Variants in GRM8 observed in about 807,000 individuals in gnomAD.
GRM8 encodes glutamate metabotropic receptor 8.
GRM8 carries 47 observed loss-of-function variants against 87.2 expected under a neutral mutation model. The observed-to-expected ratio is 0.54, with a 90% CI of 0.43 to 0.69. The LOEUF is 0.69. Ranked by LOEUF, GRM8 falls within the 30% of genes least tolerant of loss-of-function variation. The pLI, the probability that GRM8 is intolerant of heterozygous loss-of-function variation, is 0.00. For synonymous variants in GRM8, 396 were observed against 404.5 expected, an observed-to-expected ratio of 0.98 and a Z score of 0.25; for missense variants, 1,019 against 1,139.2, an observed-to-expected ratio of 0.89 and a Z score of 1.52.
chr7:127,156,884 C>T (rs924046862), intron 2 of GRM8, among the ~76,000 whole-genome samples: 1 of 151,920 alleles, frequency 6.6e-6, no homozygotes. Flanking sequence ...AAACAACTTC[C>T]TAGATGGAAT....
chr7:126,455,598 T>A (rs760319023), intron 9 of GRM8, among the ~76,000 whole-genome samples: 1 of 151,762 alleles, frequency 6.6e-6, no homozygotes, highest in African/African-American at 2.4e-5. Context: ...CTTCTTAAAC[T>A]TGACAAAATA....
At chr7:126,613,173 A>G (rs1799091204) in intron 7 of GRM8, among the ~76,000 whole-genome samples, 1 of 152,216 alleles carries the variant, frequency 6.6e-6, no homozygotes, top group Non-Finnish European at 1.5e-5. Flanking sequence ...TTGAGTAGCC[A>G]TAAGGAACTA....
intron 2 of GRM8, among the ~76,000 whole-genome samples, chr7:127,141,803 T>C (rs1828287265): frequency 6.6e-6 from 1 of 151,552 alleles, no homozygotes; most frequent in African/African-American, 2.4e-5. Context: ...TCTGCCTTTA[T>C]GGAGATCTAC....
At chr7:126,700,948 T>C (rs192190669) in intron 7 of GRM8, among the ~76,000 whole-genome samples, 7 of 152,274 alleles carry the variant, frequency 4.6e-5, no homozygotes, top group African/African-American at 1.4e-4. Flanking sequence ...ATATTTACCA[T>C]ATTGCCTCAT....
intron 2 of GRM8, among the ~76,000 whole-genome samples, chr7:127,239,022 C>T (rs1563601625): frequency 6.6e-6 from 1 of 152,202 alleles, no homozygotes; most frequent in Non-Finnish European, 1.5e-5. Context: ...AGATCCCTTG[C>T]ATCAGGTTTT....
intron 3 of GRM8, among the ~76,000 whole-genome samples, chr7:126,933,496 C>A (rs1055190175): frequency 6.6e-6 from 1 of 152,148 alleles, no homozygotes; most frequent in East Asian, 1.9e-4. Context: ...TTCTCTGAAC[C>A]CACATTTACC....
At chr7:126,674,866 T>G (rs1806778576) in intron 7 of GRM8, among the ~76,000 whole-genome samples, 1 of 152,194 alleles carries the variant, frequency 6.6e-6, no homozygotes, top group South Asian at 2.1e-4. Flanking sequence ...CATTTCTCGT[T>G]AGAGAGCTAA....
intron 9 of GRM8, chr7:126,511,149 T>A (rs191161737): frequency 6.6e-6 from 1 of 152,232 alleles, no homozygotes; most frequent in East Asian, 1.9e-4. Context: ...GTACTGCCAG[T>A]AGCAGCTATC....
intron 7 of GRM8, among the ~76,000 whole-genome samples, chr7:126,738,710 T>A (rs1376913932): frequency 8.8e-6 from 1 of 113,188 alleles, no homozygotes; most frequent in Non-Finnish European, 1.8e-5. Context: ...GAGTGGGGGG[T>A]TGGGGGATGC....
chr7:127,084,650 G>A (rs142373226), intron 3 of GRM8: 1 of 152,244 alleles, frequency 6.6e-6, no homozygotes, highest in Non-Finnish European at 1.5e-5. Flanking sequence ...AGGCAGAGTA[G>A]ATCATCACTG....
At chr7:126,807,125 A>T (rs543889234) in intron 6 of GRM8, among the ~76,000 whole-genome samples, 4 of 152,336 alleles carry the variant, frequency 2.6e-5, no homozygotes, top group Admixed American at 2.0e-4. Context: ...TGAGACATGA[A>T]GTACACAAGC....
At position 126,895,921 on chromosome 7, in the gene GRM8, A is replaced by G. The variant is rs1322877977; in HGVS notation, c.1156+6621T>C. 5.4e-5 allele frequency among the ~76,000 whole-genome samples: 8 copies of G among 148,922 alleles called. No homozygotes were observed. In the South Asian group the frequency reaches 1.5e-3, roughly 28 times the overall value. Reference sequence around the variant, plus strand: ...TGATTAAAATTCCAAAATGTATTCCATCACACATAAAGTATCATAAAGAGC... The same window carrying G: ...TGATTAAAATTCCAAAATGTATTCCGTCACACATAAAGTATCATAAAGAGC... On this transcript the variant is annotated intron_variant, in intron 6 of 10. Coordinates refer to ENST00000339582, the MANE Select transcript of GRM8 (RefSeq NM_000845.3).
chr7:127,060,214 A>G (rs1480155199), intron 3 of GRM8, among the ~76,000 whole-genome samples: 1 of 152,224 alleles, frequency 6.6e-6, no homozygotes, highest in Admixed American at 6.5e-5. Context: ...ACAAACACAT[A>G]TCTTTTTAGA....
chr7:126,682,776 C>T (rs142208139), intron 7 of GRM8, among the ~76,000 whole-genome samples: 32 of 152,236 alleles, frequency 2.1e-4, no homozygotes, highest in African/African-American at 5.8e-4. Context: ...GTGGGCTGGG[C>T]GCGGTGGCTC....
intron 3 of GRM8, among the ~76,000 whole-genome samples, chr7:126,927,194 G>A (rs1805227754): frequency 6.6e-6 from 1 of 152,112 alleles, no homozygotes; most frequent in Non-Finnish European, 1.5e-5. Context: ...AGAACGCAGT[G>A]GTGCTTTCAC....
intron 9 of GRM8, among the ~76,000 whole-genome samples, chr7:126,461,863 A>T (rs556556546): frequency 6.6e-6 from 1 of 151,668 alleles, no homozygotes; most frequent in Admixed American, 6.6e-5. Context: ...GATTGTTTAC[A>T]TTGCATTGCA....
chr7:126,540,255 C>T lies in GRM8; in HGVS notation c.1495-6368G>A, dbSNP rs1816379935. Among the ~76,000 whole-genome samples the T allele has an allele frequency of 2.0e-5, 3 of 151,924 alleles. No homozygotes were observed. The South Asian group carries it at 6.2e-4, about 32-fold the overall frequency. On this transcript the variant is annotated intron_variant, in intron 8 of 10. Transcript: ENST00000339582. The stretch of plus-strand genomic sequence containing the variant: ...ATCTAAATCAAAACCAGTGCACCAA[C>T]TAGGACTATTATAATAAAAAATAAA...
Position 126,739,995 on chromosome 7 carries a change from A to G in GRM8, c.1357+29870T>C, listed in dbSNP as rs996385864. Among the ~76,000 whole-genome samples, 32 of 152,088 alleles carry G rather than the reference A, an allele frequency of 2.1e-4. 1 individual carries two copies. Among genetic ancestry groups the G allele is most frequent in the Admixed American group, 6.6e-5 (1 of 15,232 alleles). On this transcript the variant is annotated intron_variant, in intron 7 of 10. Coordinates refer to ENST00000339582, the MANE Select transcript of GRM8 (RefSeq NM_000845.3). ...ATAAATACTTCTATGATGTTTGCAC[A>G]GTGACAAAATCACCTAAGAACACAT...
At chr7:127,125,581 C>T (rs1291968481) in intron 2 of GRM8, among the ~76,000 whole-genome samples, 1 of 151,736 alleles carries the variant, frequency 6.6e-6, no homozygotes, top group Non-Finnish European at 1.5e-5. Context: ...TGACTAAGAC[C>T]TCAGAAGCAC....
Sources: gnomAD v4.1 joint callset for allele counts (sites outside exome capture counted in the v4.1 genomes callset) on GRCh38, gnomAD v4.1.1 for gene constraint, MANE v1.5 for transcripts, NCBI Gene and HGNC (gene_info 2026-07-23, HGNC 2026-07-21) for gene names.